The following PDCD1LG2 variants were observed in gnomAD, a reference collection of about 807,000 sequenced individuals.
PDCD1LG2 encodes the protein B7 dendritic cell molecule.
A neutral mutation model predicts 28.2 loss-of-function variants in PDCD1LG2; 32 were observed. The observed-to-expected ratio is 1.13, with a 90% CI of 0.86 to 1.52. The LOEUF (loss-of-function observed/expected upper bound fraction) is 1.52, where lower values mean the gene tolerates loss of function less well. Ranked by LOEUF, PDCD1LG2 falls within the 40% of genes most tolerant of loss-of-function variation. The pLI is 0.00. For missense variants in PDCD1LG2, 385 were observed against 323.8 expected (o/e 1.19, Z -1.45); for synonymous variants, 116 against 120.2 (o/e 0.97, Z 0.23).
chr9:5,563,868 T>C (rs907159219), intron 6 of PDCD1LG2, among the ~76,000 whole-genome samples: 6 of 152,210 alleles, frequency 3.9e-5, no homozygotes, highest in Non-Finnish European at 7.3e-5. Flanking sequence ...TTTTTTGCTC[T>C]TAAGGCCCTC....
At chr9:5,529,488 T>A (rs916895731) in intron 2 of PDCD1LG2, among the ~76,000 whole-genome samples, 1 of 152,250 alleles carries the variant, frequency 6.6e-6, no homozygotes, top group Non-Finnish European at 1.5e-5. Context: ...TTCTGGACTT[T>A]TTGTTCCATT....
At chr9:5,537,472 A>G (rs1820602441) in intron 3 of PDCD1LG2, among the ~76,000 whole-genome samples, 1 of 152,240 alleles carries the variant, frequency 6.6e-6, no homozygotes, top group Admixed American at 6.5e-5. Context: ...GTTAATAATA[A>G]TAGAAATAAA....
chr9:5,540,838 A>G (rs567374885), intron 3 of PDCD1LG2, among the ~76,000 whole-genome samples: 1 of 152,206 alleles, frequency 6.6e-6, no homozygotes, highest in Non-Finnish European at 1.5e-5. Flanking sequence ...ATAGAGAAAG[A>G]GGGAATCCTC....
intron 1 of PDCD1LG2, among the ~76,000 whole-genome samples, chr9:5,516,218 AT>A (rs1820160471): frequency 1.3e-5 from 2 of 151,950 alleles, no homozygotes; most frequent in Admixed American, 1.3e-4. Flanking sequence ...CATCCAGCTA[AT>A]TTTTTGTATT....
At chr9:5,520,629 G>GA (rs1820255628) in intron 1 of PDCD1LG2, among the ~76,000 whole-genome samples, 1 of 151,804 alleles carries the variant, frequency 6.6e-6, no homozygotes, top group Admixed American at 6.6e-5. Context: ...AACAATAAAA[G>GA]AAAAAAGTAG....
In PDCD1LG2 at chr9:5,522,564, A is replaced by T. The variant is rs2129725986; in HGVS notation, c.18A>T (p.Leu6=). 6.2e-7 allele frequency: 1 copy of T among 1,613,742 alleles called. No individual in the cohort carries two copies. The highest frequency in any genetic ancestry group is 8.5e-7 in the Non-Finnish European group (1 of 1,179,740). MIFLL[L]MLSLELQLHQ... ...TACAGAACATGATCTTCCTCCTGCT[A>T]ATGTTGAGCCTGGAATTGCAGCTTC... The change falls in exon 2 of 7, where the codon CTA becomes CTT. Residue 6 remains leucine, a synonymous_variant. Transcript: ENST00000397747.
intron 5 of PDCD1LG2, 148 bp downstream of exon 5, chr9:5,557,900 T>C: frequency 9.8e-7 from 1 of 1,022,564 alleles, no homozygotes; most frequent in Non-Finnish European, 1.4e-6. Flanking sequence ...GATGATTATT[T>C]TTCCCCAGAA....
rs770059253 is a variant in PDCD1LG2, at chr9:5,522,580, T to C, written c.34T>C (p.Leu12=). 7 of 1,613,644 alleles carry C rather than the reference T, an allele frequency of 4.3e-6. No individual in the cohort carries two copies. The South Asian group carries it at 4.4e-5, about 10-fold the overall frequency. Residue 12 remains leucine, a synonymous_variant, in exon 2 of 7, where the codon TTG becomes CTG. Transcript: ENST00000397747. ...IFLLLMLSLE[L]QLHQIAALFT... ...CCTCCTGCTAATGTTGAGCCTGGAA[T>C]TGCAGCTTCACCAGATAGCAGGTAA...
At chr9:5,565,273 T>C (rs1463599127) in intron 6 of PDCD1LG2, among the ~76,000 whole-genome samples, 1 of 152,156 alleles carries the variant, frequency 6.6e-6, no homozygotes, top group Non-Finnish European at 1.5e-5. Context: ...GCCTCAACTT[T>C]TGGACTCAAG....
intron 2 of PDCD1LG2, among the ~76,000 whole-genome samples, chr9:5,530,053 G>A (rs1043762650): frequency 8.2e-5 from 12 of 146,622 alleles, no homozygotes; most frequent in Non-Finnish European, 7.5e-5. Context: ...TGTTAAATGT[G>A]GGGGATAAAA....
In PDCD1LG2 at chr9:5,546,600, G is replaced by T. The variant is rs540906049; in HGVS notation, c.362-2735G>T. Among the ~76,000 whole-genome samples the T allele has an allele frequency of 2.0e-5, 3 of 152,196 alleles. No individual in the cohort carries two copies. The South Asian group carries it at 6.2e-4, about 32-fold the overall frequency. ...AATTGCCTTATCTTCTACTACTGCT[G>T]GGTGCTCCTAAGAACCTCAGAGCAT... On this transcript the variant is annotated intron_variant, in intron 3 of 6. Coordinates refer to ENST00000397747, the MANE Select transcript of PDCD1LG2 (RefSeq NM_025239.4).
intron 4 of PDCD1LG2, among the ~76,000 whole-genome samples, chr9:5,550,764 G>T (rs1019872057): frequency 6.6e-6 from 1 of 151,904 alleles, no homozygotes; most frequent in Admixed American, 6.6e-5. Flanking sequence ...CACGATCCCG[G>T]CTCACTGCAA....
At chr9:5,520,231 A>G (rs1354274255) in intron 1 of PDCD1LG2, among the ~76,000 whole-genome samples, 1 of 152,242 alleles carries the variant, frequency 6.6e-6, no homozygotes, top group African/African-American at 2.4e-5. Context: ...TGGTACTGAC[A>G]TAGGATAGAC....
intron 1 of PDCD1LG2, among the ~76,000 whole-genome samples, chr9:5,512,208 GT>G (rs1164953636): frequency 2.6e-5 from 4 of 152,158 alleles, no homozygotes; most frequent in Non-Finnish European, 5.9e-5. Context: ...GCATACGTGG[GT>G]TACTCTGTAA....
chr9:5,535,504 C>T (rs1425115429), intron 3 of PDCD1LG2, among the ~76,000 whole-genome samples: 2 of 152,040 alleles, frequency 1.3e-5, no homozygotes, highest in African/African-American at 4.8e-5. Context: ...ACGTTTCCCG[C>T]CCTTTAAAAA....
At chr9:5,565,017 A>C (rs1816635821) in intron 6 of PDCD1LG2, among the ~76,000 whole-genome samples, 1 of 152,086 alleles carries the variant, frequency 6.6e-6, no homozygotes, top group African/African-American at 2.4e-5. Flanking sequence ...TGAAGTACTT[A>C]CTCCCTGCTT....
rs1816720818 is a variant in PDCD1LG2 at position 5,569,065 on chromosome 9, G to A, written c.817-889G>A. Among the ~76,000 whole-genome samples, 1 of 152,228 alleles carries A rather than the reference G, an allele frequency of 6.6e-6. No individual in the cohort carries two copies. The highest frequency in any genetic ancestry group is 1.5e-5 in the Non-Finnish European group (1 of 68,044). ...GAAAGTGCACGTGACCCCGTTCAGAGAGAAAGCCAGGTGTGAGATAAGGGG... is the reference window on the plus strand; with the variant it reads ...GAAAGTGCACGTGACCCCGTTCAGAAAGAAAGCCAGGTGTGAGATAAGGGG... On this transcript the variant is annotated intron_variant, in intron 6 of 6. Transcript: ENST00000397747. This position sits in a 1 kb window ranked among gnomAD's most constrained non-coding sequence, Gnocchi z 4.1.
intron 1 of PDCD1LG2, among the ~76,000 whole-genome samples, chr9:5,521,111 A>T: frequency 6.6e-6 from 1 of 152,206 alleles, no homozygotes; most frequent in East Asian, 1.9e-4. Context: ...AAAGCCAGCC[A>T]CAAAAGTCCA....
rs2129794471 is a variant in PDCD1LG2 at position 5,534,921 on chromosome 9, G to A, written c.232G>A (p.Glu78Lys). The change falls in exon 3 of 7, where the codon GAG becomes AAG. Residue 78 changes from glutamate to lysine, a missense_variant. Transcript: ENST00000397747. ...PHRERATLLE[E>K]QLPLGKASFH... ...CCGTGAAAGAGCCACTTTGCTGGAG[G>A]AGCAGCTGCCCCTAGGGAAGGCCTC... 1 of 1,614,150 alleles carries A rather than the reference G, an allele frequency of 6.2e-7. No individual in the cohort carries two copies. The highest frequency in any genetic ancestry group is 8.5e-7 in the Non-Finnish European group (1 of 1,180,020).
Sources: allele counts gnomAD v4.1 joint callset (sites outside exome capture counted in the v4.1 genomes callset), GRCh38; gene constraint gnomAD v4.1.1; non-coding constraint Gnocchi (gnomAD v3.1); transcripts MANE v1.5; gene names NCBI Gene and HGNC (gene_info 2026-07-23, HGNC 2026-07-21).